FTO: variants seen among roughly 807,000 people sequenced by gnomAD.
FTO encodes the protein FTO alpha-ketoglutarate dependent dioxygenase, also known as alpha-ketoglutarate-dependent dioxygenase FTO.
FTO carries 47 observed loss-of-function variants against 63.9 expected under a neutral mutation model. That is an observed-to-expected ratio of 0.74 (90% confidence interval 0.58 to 0.94). The LOEUF is 0.94. Among genes scored for constraint, FTO ranks in the 40% least tolerant of loss-of-function variants. FTO has a pLI of 0.00. For missense variants in FTO, 562 were observed against 618.1 expected (o/e 0.91, Z 0.96); for synonymous variants, 207 against 224.4 (o/e 0.92, Z 0.69).
chr16:54,109,757 C>T (rs569988737), intron 8 of FTO, among the ~76,000 whole-genome samples: 4 of 152,242 alleles, frequency 2.6e-5, no homozygotes, highest in African/African-American at 9.6e-5. Context: ...CAGCAGGCTT[C>T]GATATGTTTC....
At chr16:53,896,434 G>T (rs963670029) in intron 7 of FTO, among the ~76,000 whole-genome samples, 1 of 151,806 alleles carries the variant, frequency 6.6e-6, no homozygotes, top group Non-Finnish European at 1.5e-5. Context: ...GAAGAATGAA[G>T]TAGTGTACAA....
intron 1 of FTO, among the ~76,000 whole-genome samples, chr16:53,721,650 A>G (rs568178562): frequency 6.6e-6 from 1 of 152,334 alleles, no homozygotes; most frequent in Non-Finnish European, 1.5e-5. Context: ...ATGTCATCAT[A>G]TAAGTCAGTC....
rs768461316 is a variant in FTO at position 53,810,223 on chromosome 16, G to T, written c.123+6G>T. ...ATGATGAATTCTATCAGCAGGTAAG[G>T]TATTTTAATATTTTTATCAGTTTCA... is the stretch of plus-strand genomic sequence containing the variant. On this transcript the variant is annotated splice_donor_region_variant and intron_variant, in intron 2 of 8. Transcript: ENST00000471389. 9.5e-6 allele frequency: 15 copies of T among 1,580,398 alleles called. No individual in the cohort carries two copies. The East Asian group carries it at 2.5e-4, about 26-fold the overall frequency.
chr16:53,930,929 A>G (rs1029157926), intron 7 of FTO, among the ~76,000 whole-genome samples: 1 of 152,194 alleles, frequency 6.6e-6, no homozygotes, highest in Non-Finnish European at 1.5e-5. Context: ...TTTTTGTAAT[A>G]CTTATTTTTC....
chr16:53,880,125 G>A lies in FTO; in HGVS notation c.1119+138G>A, dbSNP rs377193855. 2.3e-4 allele frequency: 154 copies of A among 669,150 alleles called. 1 individual carries two copies. Among genetic ancestry groups the A allele is most frequent in the East Asian group, 1.5e-3 (52 of 35,476 alleles). The allele number at this position is 669,150 out of a possible 1,614,324, so 41.5% of individuals were successfully genotyped here. A position where few individuals can be genotyped will look rare whatever the true frequency, so the allele number is the denominator to read the frequency against. On this transcript the variant is annotated intron_variant, in intron 6 of 8. Coordinates refer to ENST00000471389, the MANE Select transcript of FTO (RefSeq NM_001080432.3). ...TCCTCCTGTCTCAAGCTCCCGAATA[G>A]GTGGGACTACAGGTGCATGCGCCAC...
intron 1 of FTO, among the ~76,000 whole-genome samples, chr16:53,747,278 A>G (rs1257481298): frequency 2.0e-5 from 3 of 152,218 alleles, no homozygotes; most frequent in Admixed American, 6.5e-5. Flanking sequence ...TGAGAACTCC[A>G]TAATTGCTGT....
chr16:53,958,665 A>T (rs1486608970), intron 8 of FTO, among the ~76,000 whole-genome samples: 1 of 152,202 alleles, frequency 6.6e-6, no homozygotes, highest in Non-Finnish European at 1.5e-5. Context: ...GGAAGGAGAG[A>T]TCTGTGCAAA....
chr16:54,082,100 C>G (rs750411811), intron 8 of FTO, among the ~76,000 whole-genome samples: 11 of 152,174 alleles, frequency 7.2e-5, no homozygotes, highest in Non-Finnish European at 1.5e-4. Flanking sequence ...GTCAGATTCT[C>G]CTACTTAAAT....
At position 54,117,993 on chromosome 16, in the gene FTO, ATG is replaced by A. The variant is rs1169837348; in HGVS notation, c.*6084_*6085del. On this transcript the variant is annotated 3_prime_UTR_variant, in exon 9 of 9. Coordinates refer to ENST00000471389, the MANE Select transcript of FTO (RefSeq NM_001080432.3). ...TTGAGGTAAAATAGTTCCTCTGCACATGTGTGTCAAGCTAAATGGATAACAGC... is the reference window on the plus strand; with the variant it reads ...TTGAGGTAAAATAGTTCCTCTGCACATGTGTCAAGCTAAATGGATAACAGC... 1 of 152,234 alleles carries A rather than the reference ATG, an allele frequency of 6.6e-6. No individual in the cohort carries two copies. Among genetic ancestry groups the A allele is most frequent in the East Asian group, 1.9e-4 (1 of 5,202 alleles). 9.4% of individuals were successfully genotyped at this position (152,234 alleles called of 1,614,324 possible).
chr16:53,921,848 A>T (rs2082013751), intron 7 of FTO, among the ~76,000 whole-genome samples: 1 of 152,016 alleles, frequency 6.6e-6, no homozygotes, highest in African/African-American at 2.4e-5. Flanking sequence ...TATGTATATT[A>T]CTTTTTGTGA....
intron 8 of FTO, among the ~76,000 whole-genome samples, chr16:54,085,493 T>G (rs984247840): frequency 6.6e-6 from 1 of 152,230 alleles, no homozygotes; most frequent in Non-Finnish European, 1.5e-5. Context: ...ATGCCCTCCA[T>G]GGCCAAAATC....
intron 8 of FTO, among the ~76,000 whole-genome samples, chr16:53,986,436 G>T (rs934913882): frequency 6.6e-6 from 1 of 152,176 alleles, no homozygotes; most frequent in East Asian, 1.9e-4. Context: ...CACCAAAGCT[G>T]AATATCATCC....
At chr16:53,815,729 A>G (rs541185450) in intron 2 of FTO, among the ~76,000 whole-genome samples, 9 of 140,458 alleles carry the variant, frequency 6.4e-5, no homozygotes, top group African/African-American at 2.5e-4. Flanking sequence ...GCTCACTGTA[A>G]CCTCCGCTTC....
intron 8 of FTO, among the ~76,000 whole-genome samples, chr16:53,984,592 A>T (rs548634946): frequency 2.6e-5 from 4 of 152,092 alleles, no homozygotes; most frequent in Non-Finnish European, 4.4e-5. Flanking sequence ...AAGTATTGGG[A>T]TTACTGGCGT....
intron 4 of FTO, among the ~76,000 whole-genome samples, chr16:53,858,892 C>T (rs1048288004): frequency 3.9e-5 from 6 of 152,134 alleles, no homozygotes; most frequent in African/African-American, 7.2e-5. Context: ...ATCTCTTGAC[C>T]TCATGATCCG....
At chr16:53,738,678 T>G (rs1002739749) in intron 1 of FTO, among the ~76,000 whole-genome samples, 3 of 152,164 alleles carry the variant, frequency 2.0e-5, no homozygotes, top group Non-Finnish European at 4.4e-5. Flanking sequence ...CCAAACTGTT[T>G]TCCAGAGTGA....
At chr16:53,705,012 G>T (rs2075550422) in intron 1 of FTO, among the ~76,000 whole-genome samples, 1 of 102,516 alleles carries the variant, frequency 9.8e-6, no homozygotes, top group African/African-American at 6.2e-5. Flanking sequence ...TTGGGAATAT[G>T]CCCACTTTTT....
intron 1 of FTO, among the ~76,000 whole-genome samples, chr16:53,759,712 A>AG: frequency 6.6e-6 from 1 of 151,258 alleles, no homozygotes; most frequent in Middle Eastern, 3.4e-3. Flanking sequence ...AAAAAAAAAA[A>AG]AAAAGAAAAA....
chr16:53,880,659 G>A (rs779664356), intron 6 of FTO, among the ~76,000 whole-genome samples: 1 of 152,134 alleles, frequency 6.6e-6, no homozygotes, highest in Non-Finnish European at 1.5e-5. Context: ...ACTTTCCTTA[G>A]ACGGTGCAAG....
Sources: allele counts gnomAD v4.1 joint callset (sites outside exome capture counted in the v4.1 genomes callset), GRCh38; gene constraint gnomAD v4.1.1; transcripts MANE v1.5; gene names NCBI Gene and HGNC (gene_info 2026-07-23, HGNC 2026-07-21).